The following SPOCK3 variants were observed in gnomAD, a reference collection of about 807,000 sequenced individuals.
SPOCK3 encodes the protein testican-3.
In SPOCK3, 30 loss-of-function variants were observed where a neutral mutation model predicts 56.6. The observed-to-expected ratio is 0.53, with a 90% CI of 0.40 to 0.72. The LOEUF (loss-of-function observed/expected upper bound fraction) is 0.72, where lower values mean the gene tolerates loss of function less well. SPOCK3 is among the 30% of genes least tolerant of loss of function. SPOCK3 has a pLI of 0.00. For missense variants in SPOCK3, 527 were observed against 530.0 expected (o/e 0.99, Z 0.06); for synonymous variants, 196 against 183.3 (o/e 1.07, Z -0.56).
At chr4:166,792,414 C>T in intron 6 of SPOCK3, 125 bp from the exon 7 acceptor site, 2 of 971,018 alleles carry the variant, frequency 2.1e-6, no homozygotes, top group Non-Finnish European at 3.0e-6. Flanking sequence ...GACTGCATTT[C>T]AGCTTTTTCA....
At chr4:167,014,029 T>A (rs1025021974) in intron 3 of SPOCK3, among the ~76,000 whole-genome samples, 13 of 152,310 alleles carry the variant, frequency 8.5e-5, no homozygotes, top group African/African-American at 3.1e-4. Context: ...TACAGGCACA[T>A]AGAAAGCATT....
intron 5 of SPOCK3, among the ~76,000 whole-genome samples, chr4:166,906,966 G>A (rs1736692485): frequency 6.6e-6 from 1 of 151,952 alleles, no homozygotes; most frequent in African/African-American, 2.4e-5. Flanking sequence ...CTATAAAGGA[G>A]GGATAACAAC....
chr4:166,742,120 CTA>C, intron 8 of SPOCK3, 61 bp from the exon 9 acceptor site: 1 of 1,235,506 alleles, frequency 8.1e-7, no homozygotes. Flanking sequence ...AGTGTAATTT[CTA>C]TGTTATCAAA....
At chr4:167,179,558 T>C (rs1037200082) in intron 2 of SPOCK3, among the ~76,000 whole-genome samples, 18 of 152,174 alleles carry the variant, frequency 1.2e-4, no homozygotes, top group African/African-American at 3.9e-4. Flanking sequence ...TTCTATTTTC[T>C]TTATCTAATT....
chr4:166,839,689 C>T (rs1168022788), intron 6 of SPOCK3, among the ~76,000 whole-genome samples: 2 of 152,170 alleles, frequency 1.3e-5, no homozygotes, highest in African/African-American at 4.8e-5. Context: ...TCACCCTAAG[C>T]TCATTTACCA....
chr4:166,954,786 G>C (rs1470807171), intron 4 of SPOCK3, among the ~76,000 whole-genome samples: 1 of 152,120 alleles, frequency 6.6e-6, no homozygotes, highest in Non-Finnish European at 1.5e-5. Context: ...TATCACAAAT[G>C]ATTCTTAGTG....
At chr4:166,929,006 T>C (rs1579682423) in intron 4 of SPOCK3, among the ~76,000 whole-genome samples, 4 of 151,922 alleles carry the variant, frequency 2.6e-5, no homozygotes, top group African/African-American at 7.3e-5. Context: ...CTATGGACTT[T>C]GAGTGATAAT....
intron 6 of SPOCK3, among the ~76,000 whole-genome samples, chr4:166,888,475 A>T (rs935367445): frequency 6.6e-6 from 1 of 152,020 alleles, no homozygotes; most frequent in Non-Finnish European, 1.5e-5. Context: ...GAGACTTTTT[A>T]AAAAGGCATA....
intron 5 of SPOCK3, among the ~76,000 whole-genome samples, chr4:166,897,105 A>G (rs1735475653): frequency 6.6e-6 from 1 of 152,110 alleles, no homozygotes; most frequent in Non-Finnish European, 1.5e-5. Flanking sequence ...TTTATTATAT[A>G]CTTCCATGAT....
At chr4:166,762,418 A>C (rs1016341186) in intron 7 of SPOCK3, among the ~76,000 whole-genome samples, 17 of 152,132 alleles carry the variant, frequency 1.1e-4, no homozygotes, top group Non-Finnish European at 2.4e-4. Flanking sequence ...GTCTGCATAG[A>C]GAAACGGCCA....
chr4:167,073,677 T>C (rs73861931), intron 2 of SPOCK3, among the ~76,000 whole-genome samples: 3,653 of 151,986 alleles, frequency 0.024, 130 homozygotes, highest in African/African-American at 0.082. Flanking sequence ...TTGTTCCCAC[T>C]GAGTTTTGAT....
chr4:166,880,648 C>T (rs762789916), intron 6 of SPOCK3, among the ~76,000 whole-genome samples: 6 of 152,164 alleles, frequency 3.9e-5, no homozygotes, highest in South Asian at 2.1e-4. Context: ...TTTTCCATCT[C>T]GGTTTTATCA....
chr4:166,953,930 T>G (rs1253800256), intron 4 of SPOCK3, among the ~76,000 whole-genome samples: 1 of 151,950 alleles, frequency 6.6e-6, no homozygotes, highest in Non-Finnish European at 1.5e-5. Flanking sequence ...CTCTGGGGAC[T>G]GTTGTGGGGT....
rs192685166 is a variant in SPOCK3 at position 166,915,099 on chromosome 4, T to C, written c.351-2356A>G. ...GTCTTATTATAGGAATACAAAGTACTTCTACAAATTTATAGAAGTCCAACT... is the reference window on the plus strand; with the variant it reads ...GTCTTATTATAGGAATACAAAGTACCTCTACAAATTTATAGAAGTCCAACT... On this transcript the variant is annotated intron_variant, in intron 4 of 10. Transcript: ENST00000357545. Among the ~76,000 whole-genome samples, 485 of 152,268 alleles carry C rather than the reference T, an allele frequency of 3.2e-3. 5 individuals carry two copies. Among genetic ancestry groups the C allele is most frequent in the African/African-American group, 0.011 (463 of 41,558 alleles).
At chr4:167,197,984 T>C (rs370681865) in intron 2 of SPOCK3, among the ~76,000 whole-genome samples, 7 of 152,262 alleles carry the variant, frequency 4.6e-5, no homozygotes, top group African/African-American at 1.2e-4. Flanking sequence ...CTGATGTCGC[T>C]TGTCTCACTA....
chr4:166,983,534 G>T (rs1474124582), intron 4 of SPOCK3, among the ~76,000 whole-genome samples: 1 of 152,000 alleles, frequency 6.6e-6, no homozygotes. Context: ...ATTACTTCTA[G>T]ATAGGAGAAA....
chr4:167,221,329 C>A (rs945372826), intron 2 of SPOCK3, among the ~76,000 whole-genome samples: 1 of 152,112 alleles, frequency 6.6e-6, no homozygotes, highest in African/African-American at 2.4e-5. Context: ...GATGACACCA[C>A]TGCACTGAAG....
intron 7 of SPOCK3, among the ~76,000 whole-genome samples, chr4:166,785,298 G>A (rs1360816454): frequency 6.6e-6 from 1 of 151,998 alleles, no homozygotes; most frequent in Non-Finnish European, 1.5e-5. Flanking sequence ...AAAATTAGGT[G>A]TCGATTGTTA....
Position 167,234,120 on chromosome 4 carries a change from C to T in SPOCK3, c.54G>A (p.Gln18=), listed in dbSNP as rs1229045157. ...CCACCGCCGCGGCAGCTGCGAGAGA[C>T]TGACTGCACCAAGCGGCTGCACACA... The part of the protein sequence containing the change: ...LCVCAAAWCS[Q]SLAAAAAVAA... Residue 18 remains glutamine (Q), a synonymous_variant, in exon 2 of 11, where the codon CAG becomes CAA. Transcript: ENST00000357545. 1.2e-6 allele frequency: 2 copies of T among 1,613,960 alleles called. No individual in the cohort carries two copies. The highest frequency in any genetic ancestry group is 1.7e-6 in the Non-Finnish European group (2 of 1,180,008).
Sources: gnomAD v4.1 joint callset for allele counts (sites outside exome capture counted in the v4.1 genomes callset) on GRCh38, gnomAD v4.1.1 for gene constraint, MANE v1.5 for transcripts, NCBI Gene and HGNC (gene_info 2026-07-23, HGNC 2026-07-21) for gene names.